SWT1: variants seen among roughly 807,000 people sequenced by gnomAD.
The protein encoded by SWT1 is transcriptional protein SWT1.
A neutral mutation model predicts 107.3 loss-of-function variants in SWT1; 33 were observed. That is an observed-to-expected ratio of 0.31 (90% confidence interval 0.23 to 0.41). SWT1 has a LOEUF of 0.41. Ranked by LOEUF, SWT1 falls within the 10% of genes least tolerant of loss-of-function variation. The pLI is 1.00. For missense variants in SWT1, 898 were observed against 1,028.9 expected (o/e 0.87, Z 1.74); for synonymous variants, 345 against 348.3 (o/e 0.99, Z 0.11).
At chr1:185,259,298 T>C (rs1020736418) in intron 16 of SWT1, among the ~76,000 whole-genome samples, 9 of 152,150 alleles carry the variant, frequency 5.9e-5, no homozygotes, top group Non-Finnish European at 1.2e-4. Flanking sequence ...CTTTTTGATA[T>C]ATTGCCATCT....
In SWT1 at chr1:185,222,638, A is replaced by G. The variant is rs190212543; in HGVS notation, c.2309+602A>G. Among the ~76,000 whole-genome samples, 295 of 151,804 alleles carry G rather than the reference A, an allele frequency of 1.9e-3. 1 individual carries two copies. The highest frequency in any genetic ancestry group is 6.6e-3 in the African/African-American group (273 of 41,390). On this transcript the variant is annotated intron_variant, in intron 15 of 18. Coordinates refer to ENST00000367500, the MANE Select transcript of SWT1 (RefSeq NM_017673.7). ...AAATAAGCCGGGCGTGATGGCGTGT[A>G]CCTGTCATCCCAGCTGCTCAGGAGG...
chr1:185,168,240 AT>A (rs1654750005), intron 3 of SWT1, 99 bp from the exon 4 acceptor site: 1 of 693,234 alleles, frequency 1.4e-6, no homozygotes, highest in Non-Finnish European at 2.1e-6. Flanking sequence ...TACTGGAAAG[AT>A]TAAGTAAAAG....
intron 11 of SWT1, among the ~76,000 whole-genome samples, chr1:185,203,627 A>G (rs1658068093): frequency 6.6e-6 from 1 of 152,048 alleles, no homozygotes; most frequent in Admixed American, 6.6e-5. Flanking sequence ...GTCTCAGAAA[A>G]AAAAAAAAAA....
intron 16 of SWT1, among the ~76,000 whole-genome samples, chr1:185,240,895 C>T (rs919857835): frequency 6.6e-6 from 1 of 151,894 alleles, no homozygotes; most frequent in Non-Finnish European, 1.5e-5. Context: ...AAGAACAGAC[C>T]ATATATGGTA....
intron 10 of SWT1, among the ~76,000 whole-genome samples, chr1:185,194,232 A>G (rs969500374): frequency 1.3e-5 from 2 of 152,142 alleles, no homozygotes; most frequent in Admixed American, 1.3e-4. Flanking sequence ...TTTTTGACCA[A>G]TCTGACAATT....
chr1:185,166,613 A>G lies in SWT1; in HGVS notation c.126A>G (p.Ser42=), dbSNP rs950327. 561,820 of 1,591,426 alleles carry G rather than the reference A, an allele frequency of 0.35. 101,564 individuals carry two copies. The highest frequency in any genetic ancestry group is 0.41 in the Admixed American group (23,911 of 58,960). The part of the protein sequence containing the change: ...ERKTPASSTS[S]SSIRSVSSEK... ...AAACCCCAGCAAGTTCTACTAGTTC[A>G]TCTTCTATAAGATCAGTTTCATCAG... Residue 42 remains serine, a synonymous_variant, in exon 3 of 19, where the codon TCA becomes TCG. Coordinates refer to ENST00000367500, the MANE Select transcript of SWT1 (RefSeq NM_017673.7).
chr1:185,254,430 G>A, intron 16 of SWT1, among the ~76,000 whole-genome samples: 1 of 138,532 alleles, frequency 7.2e-6, no homozygotes, highest in African/African-American at 3.0e-5. Flanking sequence ...TGGTTGGTAA[G>A]CTACTGATTA....
intron 12 of SWT1, among the ~76,000 whole-genome samples, chr1:185,205,549 A>G (rs535826844): frequency 7.0e-4 from 107 of 152,254 alleles, no homozygotes; most frequent in African/African-American, 2.5e-3. Flanking sequence ...TTGTATTTTT[A>G]TTAGAGACGA....
chr1:185,195,332 CT>C (rs1356909114), intron 10 of SWT1, among the ~76,000 whole-genome samples: 2 of 152,272 alleles, frequency 1.3e-5, no homozygotes, highest in African/African-American at 2.4e-5. Context: ...ATGAACTCAT[CT>C]TTTTTTATGG....
At chr1:185,169,075 C>T (rs1378530932) in intron 4 of SWT1, among the ~76,000 whole-genome samples, 1 of 152,084 alleles carries the variant, frequency 6.6e-6, no homozygotes, top group African/African-American at 2.4e-5. Context: ...CTCTGCTTCC[C>T]AAACAATCTC....
At chr1:185,230,688 A>G (rs564268372) in intron 15 of SWT1, among the ~76,000 whole-genome samples, 10 of 151,604 alleles carry the variant, frequency 6.6e-5, no homozygotes, top group South Asian at 2.1e-4. Flanking sequence ...TTATTTTTCT[A>G]TTTCATAGGT....
At chr1:185,285,572 G>T (rs1423051693) in intron 18 of SWT1, among the ~76,000 whole-genome samples, 2 of 151,924 alleles carry the variant, frequency 1.3e-5, no homozygotes, top group Admixed American at 1.3e-4. Context: ...TTCTTGCATT[G>T]CCCATGCTTT....
intron 16 of SWT1, among the ~76,000 whole-genome samples, chr1:185,250,566 TC>T (rs1640681836): frequency 6.6e-6 from 1 of 152,190 alleles, no homozygotes; most frequent in Non-Finnish European, 1.5e-5. Flanking sequence ...TCATCCCAAC[TC>T]CTTTGTGCCC....
chr1:185,200,554 G>C (rs980692640), intron 10 of SWT1, among the ~76,000 whole-genome samples: 5 of 152,148 alleles, frequency 3.3e-5, no homozygotes, highest in African/African-American at 1.2e-4. Flanking sequence ...TCCAGACCTT[G>C]TTTGCCTGGG....
intron 5 of SWT1, 141 bp from the exon 6 acceptor site, chr1:185,180,250 G>A (rs1223749718): frequency 3.0e-6 from 2 of 657,038 alleles, no homozygotes; most frequent in Non-Finnish European, 5.4e-6. Context: ...ATAGAGGTCA[G>A]TGATGCTGCT....
chr1:185,221,729 GAA>G (rs1485820129), intron 14 of SWT1, 118 bp from the exon 15 acceptor site: 111 of 633,036 alleles, frequency 1.8e-4, no homozygotes, highest in Middle Eastern at 3.2e-4. Context: ...CATAATAAAA[GAA>G]AAAGAATTGC....
intron 4 of SWT1, among the ~76,000 whole-genome samples, chr1:185,172,568 G>A (rs1416325970): frequency 2.0e-5 from 3 of 151,784 alleles, no homozygotes; most frequent in African/African-American, 4.8e-5. Context: ...ACCTTGGTAT[G>A]GTTTCTAAAA....
At chr1:185,271,468 TCAAA>T (rs1430027770) in intron 17 of SWT1, 79 bp downstream of exon 17, 9 of 722,976 alleles carry the variant, frequency 1.2e-5, no homozygotes, top group East Asian at 5.5e-5. Context: ...GTAGGAGTTC[TCAAA>T]CATAGTGGAA....
chr1:185,255,955 A>T (rs1341349689), intron 16 of SWT1, among the ~76,000 whole-genome samples: 1 of 151,384 alleles, frequency 6.6e-6, no homozygotes, highest in Non-Finnish European at 1.5e-5. Context: ...TTCCTTCAGG[A>T]GCTCTTTTAG....
Sources: allele counts gnomAD v4.1 joint callset (sites outside exome capture counted in the v4.1 genomes callset), GRCh38; gene constraint gnomAD v4.1.1; transcripts MANE v1.5; gene names NCBI Gene and HGNC (gene_info 2026-07-23, HGNC 2026-07-21).